Variants in RBM39 observed in about 807,000 individuals in gnomAD.
RBM39 encodes RNA binding motif protein 39.
In RBM39, 12 loss-of-function variants were observed where a neutral mutation model predicts 79.6. The ratio of observed to expected loss-of-function variants is 0.15; its 90% CI spans 0.10 to 0.24. The LOEUF (loss-of-function observed/expected upper bound fraction) is 0.24, where lower values mean the gene tolerates loss of function less well. RBM39 is among the 10% of genes least tolerant of loss of function. RBM39 has a pLI of 1.00. For missense variants in RBM39, 243 were observed against 653.4 expected (o/e 0.37, Z 6.85); for synonymous variants, 185 against 208.4 (o/e 0.89, Z 0.97).
In RBM39 at chr20:35,742,006, TGCTGCCGCC is replaced by T; in HGVS notation, c.-88_-80del. ...AAGAGATTGCTGCTGCTGCTGCTGCTGCTGCCGCCGCCGCCGCTTCTGTTGCTACTGTTA... is the reference window on the plus strand; with the variant it reads ...AAGAGATTGCTGCTGCTGCTGCTGCTGCCGCCGCTTCTGTTGCTACTGTTA... On this transcript the variant is annotated 5_prime_UTR_variant, in exon 1 of 17. Transcript: ENST00000253363. 4.2e-6 allele frequency: 1 copy of T among 240,096 alleles called. No individual in the cohort carries two copies. The highest frequency in any genetic ancestry group is 8.1e-6 in the Non-Finnish European group (1 of 123,452). The allele number at this position is 240,096 out of a possible 1,614,324, so 14.9% of individuals were successfully genotyped here. A position where few individuals can be genotyped will look rare whatever the true frequency, so the allele number is the denominator to read the frequency against.
In RBM39 at chr20:35,724,740, T is replaced by C. The variant is rs146293351; in HGVS notation, c.535-18A>G. ...TCTCGAACCTAGAAAGAAAACACAGTTGTTTGTGCAAACATCCATTGTAAC... is the reference window on the plus strand; with the variant it reads ...TCTCGAACCTAGAAAGAAAACACAGCTGTTTGTGCAAACATCCATTGTAAC... On this transcript the variant is annotated intron_variant, in intron 7 of 16. Coordinates refer to ENST00000253363, the MANE Select transcript of RBM39 (RefSeq NM_184234.3). The C allele has an allele frequency of 7.7e-4, 1,241 of 1,611,738 alleles. 34 individuals carry two copies. The East Asian group carries it at 0.027, about 35-fold the overall frequency.
At chr20:35,725,935 A>G (rs1025694413) in intron 6 of RBM39, among the ~76,000 whole-genome samples, 1 of 152,080 alleles carries the variant, frequency 6.6e-6, no homozygotes, top group Non-Finnish European at 1.5e-5. Flanking sequence ...AAGTGCTGGG[A>G]TTACAGGCAT....
At chr20:35,727,401 C>CAA (rs145051301) in intron 6 of RBM39, among the ~76,000 whole-genome samples, 5,477 of 108,748 alleles carry the variant, frequency 0.05, 114 homozygotes, top group African/African-American at 0.069. Flanking sequence ...CCGGGGGTCT[C>CAA]AAAAAAAAAA....
chr20:35,702,290 G>A lies in RBM39; in HGVS notation c.*2191C>T, dbSNP rs1260870957. On this transcript the variant is annotated 3_prime_UTR_variant, in exon 17 of 17. Transcript: ENST00000253363. ...ATTACCAGATTAGTTACAGATTTTC[G>A]AACCAGTGGGATGCTGACTCAGGAA... 1.3e-5 allele frequency: 2 copies of A among 152,198 alleles called. No homozygotes were observed. Among genetic ancestry groups the A allele is most frequent in the Admixed American group, 6.5e-5 (1 of 15,278 alleles). The allele number at this position is 152,198 out of a possible 1,614,324, so 9.4% of individuals were successfully genotyped here.
intron 6 of RBM39, among the ~76,000 whole-genome samples, chr20:35,726,431 C>T (rs1017269542): frequency 2.0e-5 from 3 of 151,972 alleles, no homozygotes; most frequent in Admixed American, 2.0e-4. Flanking sequence ...ACGCCTGGCC[C>T]AAAAAGGGTA....
At chr20:35,728,259 T>C (rs964977272) in intron 6 of RBM39, among the ~76,000 whole-genome samples, 1 of 152,240 alleles carries the variant, frequency 6.6e-6, no homozygotes, top group African/African-American at 2.4e-5. Flanking sequence ...AAATAACTCA[T>C]TATTTATTAA....
At chr20:35,736,430 CAAA>C in intron 3 of RBM39, 3 of 268,182 alleles carry the variant, frequency 1.1e-5, no homozygotes, top group East Asian at 9.7e-5. Flanking sequence ...AGGGGAACTA[CAAA>C]AAAAAAAAAT....
intron 6 of RBM39, among the ~76,000 whole-genome samples, chr20:35,725,561 G>T (rs1190757868): frequency 6.6e-6 from 1 of 151,678 alleles, no homozygotes; most frequent in Non-Finnish European, 1.5e-5. Flanking sequence ...GATAACAGGT[G>T]TGAGCCACTA....
rs1250957494 is a variant in RBM39 at position 35,704,652 on chromosome 20, A to G, written c.1492+16T>C. 1 of 1,613,760 alleles carries G rather than the reference A, an allele frequency of 6.2e-7. No individual in the cohort carries two copies. Among genetic ancestry groups the G allele is most frequent in the South Asian group, 1.1e-5 (1 of 91,048 alleles). The stretch of plus-strand genomic sequence containing the variant: ...AGCCTTAATAACAATCAGTCAAAAA[A>G]TAAATTCAAACTCACCAGCAAACCA... On this transcript the variant is annotated intron_variant, in intron 16 of 16. Transcript: ENST00000253363.
At chr20:35,725,267 G>A in intron 6 of RBM39, 112 bp from the exon 7 acceptor site, 1 of 695,340 alleles carries the variant, frequency 1.4e-6, no homozygotes, top group Middle Eastern at 4.2e-4. Flanking sequence ...GTGGGTTTTG[G>A]TTACATAGAT....
intron 9 of RBM39, among the ~76,000 whole-genome samples, chr20:35,717,726 A>G (rs2037328526): frequency 6.6e-6 from 1 of 152,232 alleles, no homozygotes; most frequent in Non-Finnish European, 1.5e-5. Context: ...GGGTTGGCTC[A>G]GGTCTGTAAT....
intron 1 of RBM39, 146 bp from the exon 2 acceptor site, chr20:35,741,033 T>TTTTTTTC (rs1555909166): frequency 2.8e-5 from 9 of 322,344 alleles, no homozygotes; most frequent in South Asian, 8.6e-5. Context: ...CATTTTTCTT[T>TTTTTTTC]TTTTTTTTTT....
chr20:35,714,068 A>G (rs1363934857), intron 11 of RBM39, 117 bp downstream of exon 11: 2 of 974,096 alleles, frequency 2.1e-6, no homozygotes, highest in Admixed American at 4.7e-5. Context: ...GTGACCAAGG[A>G]TAACGCCAAC....
At chr20:35,723,131 T>TG (rs1420518233) in intron 8 of RBM39, among the ~76,000 whole-genome samples, 2 of 152,024 alleles carry the variant, frequency 1.3e-5, no homozygotes, top group Non-Finnish European at 2.9e-5. Context: ...CGAACGTAGT[T>TG]GTTTGTGATA....
chr20:35,707,107 G>T lies in RBM39; in HGVS notation c.1307+13C>A. 6.8e-7 allele frequency: 1 copy of T among 1,461,762 alleles called. No homozygotes were observed. The highest frequency in any genetic ancestry group is 9.3e-7 in the Non-Finnish European group (1 of 1,069,654). 90.5% of individuals were successfully genotyped at this position (1,461,762 alleles called of 1,614,324 possible). On this transcript the variant is annotated intron_variant, in intron 14 of 16. Transcript: ENST00000253363. ...CTTGATAGGAAATATCAAGAATAAA[G>T]TCCATTACTTACGTTTGAGGGTTAA... is the stretch of plus-strand genomic sequence containing the variant.
chr20:35,722,495 G>C (rs1003010745), intron 8 of RBM39, among the ~76,000 whole-genome samples: 1 of 111,698 alleles, frequency 9.0e-6, no homozygotes, highest in Non-Finnish European at 1.7e-5. Context: ...CTCACACTAT[G>C]TTGCCCAAGC....
intron 3 of RBM39, chr20:35,734,433 C>G (rs147439399): frequency 1.5e-5 from 4 of 271,348 alleles, no homozygotes; most frequent in African/African-American, 6.7e-5. Context: ...CTCTGTGACA[C>G]TATTCCAACT....
Position 35,704,280 on chromosome 20 carries a change from T to C in RBM39, c.*201A>G. ...TAAAAGGCAGAACAAGAGAACAGTT[T>C]TGTATACAGTGGGATTTACTATTTA... On this transcript the variant is annotated 3_prime_UTR_variant, in exon 17 of 17. Coordinates refer to ENST00000253363, the MANE Select transcript of RBM39 (RefSeq NM_184234.3). 1 of 453,998 alleles carries C rather than the reference T, an allele frequency of 2.2e-6. No individual in the cohort carries two copies. The highest frequency in any genetic ancestry group is 2.9e-5 in the South Asian group (1 of 34,670). 28.1% of individuals were successfully genotyped at this position (453,998 alleles called of 1,614,324 possible). A position where few individuals can be genotyped will look rare whatever the true frequency, so the allele number is the denominator to read the frequency against.
intron 9 of RBM39, 51 bp downstream of exon 9, chr20:35,721,689 T>C: frequency 6.3e-7 from 1 of 1,588,870 alleles, no homozygotes; most frequent in Non-Finnish European, 8.6e-7. Flanking sequence ...ATTATGTAGT[T>C]ATACTCAGAT....
Sources: gnomAD v4.1 joint callset for allele counts (sites outside exome capture counted in the v4.1 genomes callset) on GRCh38, gnomAD v4.1.1 for gene constraint, MANE v1.5 for transcripts, NCBI Gene and HGNC (gene_info 2026-07-23, HGNC 2026-07-21) for gene names.